The following USP45 variants were observed in gnomAD, a reference collection of about 807,000 sequenced individuals.
USP45 encodes the protein ubiquitin carboxyl-terminal hydrolase 45.
In USP45, 89 loss-of-function variants were observed where a neutral mutation model predicts 95.8. The observed-to-expected ratio is 0.93, with a 90% CI of 0.78 to 1.11. The LOEUF (loss-of-function observed/expected upper bound fraction) is 1.11. USP45 is among the 50% of genes least tolerant of loss of function. The pLI, the probability that USP45 is intolerant of heterozygous loss-of-function variation, is 0.00. For synonymous variants in USP45, 281 were observed against 316.2 expected, an observed-to-expected ratio of 0.89 and a Z score of 1.18; for missense variants, 898 against 942.5, an observed-to-expected ratio of 0.95 and a Z score of 0.62.
At chr6:99,499,629 A>C (rs1157630910) in intron 5 of USP45, among the ~76,000 whole-genome samples, 1 of 152,130 alleles carries the variant, frequency 6.6e-6, no homozygotes, top group East Asian at 1.9e-4. Flanking sequence ...AAACTTTGAA[A>C]GCTCCACTCC....
intron 5 of USP45, among the ~76,000 whole-genome samples, chr6:99,500,944 T>G (rs982626147): frequency 3.3e-5 from 5 of 152,224 alleles, no homozygotes; most frequent in Admixed American, 3.3e-4. Flanking sequence ...CAAAAACAGC[T>G]GTACACTGGG....
At chr6:99,456,564 C>T (rs748525244) in intron 13 of USP45, among the ~76,000 whole-genome samples, 2 of 152,182 alleles carry the variant, frequency 1.3e-5, no homozygotes, top group Non-Finnish European at 2.9e-5. Context: ...CCTGTCTTTA[C>T]TGCAATCTCT....
rs997920993 is a variant in USP45, at chr6:99,457,438, C to T, written c.1308+7166G>A. ...CTGTCCCTTTATTTCTCAAGCTGGC[C>T]GATGCTTAAGGAAAATAGAAAAGAA... On this transcript the variant is annotated intron_variant, in intron 13 of 17. Coordinates refer to ENST00000500704, the MANE Select transcript of USP45 (RefSeq NM_001346022.3). Among the ~76,000 whole-genome samples the T allele has an allele frequency of 6.6e-5, 10 of 151,474 alleles. No homozygotes were observed. In the East Asian group the frequency reaches 7.8e-4, roughly 12 times the overall value.
In USP45 at chr6:99,510,231, CT is replaced by C; in HGVS notation, c.-10-2del. ...ATCTTTCACCCGCATCTGTTATTTA[CT>C]GAAGGGATTGAGGGAAAAAAATTCA... On this transcript the variant is annotated splice_acceptor_variant, in intron 1 of 17. Coordinates refer to ENST00000500704, the MANE Select transcript of USP45 (RefSeq NM_001346022.3). LOFTEE classifies it low-confidence loss of function (5UTR_SPLICE). The C allele has an allele frequency of 6.2e-7, 1 of 1,608,686 alleles. No homozygotes were observed. Among genetic ancestry groups the C allele is most frequent in the Non-Finnish European group, 8.5e-7 (1 of 1,176,916 alleles).
intron 8 of USP45, among the ~76,000 whole-genome samples, chr6:99,477,170 C>T (rs1583236408): frequency 1.3e-5 from 2 of 152,170 alleles, no homozygotes; most frequent in South Asian, 4.1e-4. Context: ...ATATACAAAA[C>T]AGCACTGTTC....
chr6:99,443,618 G>A lies in USP45; in HGVS notation c.2020C>T (p.Leu674Phe). The change falls in exon 15 of 18, where the codon CTC (leucine) becomes TTC (phenylalanine). Residue 674 changes from leucine (L) to phenylalanine (F), a missense_variant. Transcript: ENST00000500704. ...GVYTNARKQL[L>F]ISAVPAVLIL... ...AGGACAGCTGGAACAGCAGAAATGA[G>A]CAATTGCTTCCTGGCATTAGTATAA... The A allele has an allele frequency of 6.2e-7, 1 of 1,608,722 alleles. No homozygotes were observed. The highest frequency in any genetic ancestry group is 8.5e-7 in the Non-Finnish European group (1 of 1,177,040).
At chr6:99,480,845 A>G (rs537188162) in intron 8 of USP45, among the ~76,000 whole-genome samples, 1 of 152,306 alleles carries the variant, frequency 6.6e-6, no homozygotes, top group East Asian at 1.9e-4. Context: ...ACCCAAACAC[A>G]TGTGGCTTAA....
intron 13 of USP45, chr6:99,461,213 A>G (rs1265029822): frequency 1.0e-6 from 1 of 985,414 alleles, no homozygotes; most frequent in South Asian, 4.7e-5. Context: ...AGGATTTTAT[A>G]TAAGGATATC....
upstream of USP45, among the ~76,000 whole-genome samples, chr6:99,516,920 A>G (rs1801151693): frequency 6.6e-6 from 1 of 152,172 alleles, no homozygotes; most frequent in East Asian, 1.9e-4. Flanking sequence ...GATTATGGAA[A>G]TTTAGGTTCT....
intron 5 of USP45, among the ~76,000 whole-genome samples, chr6:99,495,924 GAGAA>G (rs780900750): frequency 1.3e-4 from 20 of 152,106 alleles, no homozygotes; most frequent in Non-Finnish European, 2.6e-4. Context: ...TGGGAAAACT[GAGAA>G]AATAGTCACT....
chr6:99,508,708 ACAGATTCT>A lies in USP45; in HGVS notation c.167_174del (p.Glu56ValfsTer15). On this transcript the variant is annotated frameshift_variant, in exon 3 of 18. Transcript: ENST00000500704. LOFTEE classifies it high-confidence loss of function. Reference sequence around the variant, plus strand: ...TTTAAACATTCTGAGCAAACTGACCACAGATTCTCAGCTATTGCTCTCTTTACATGATT... The same window carrying A: ...TTTAAACATTCTGAGCAAACTGACCACAGCTATTGCTCTCTTTACATGATT... The A allele has an allele frequency of 6.2e-7, 1 of 1,613,532 alleles. No homozygotes were observed. The highest frequency in any genetic ancestry group is 8.5e-7 in the Non-Finnish European group (1 of 1,179,870).
In USP45 at chr6:99,468,521, C is replaced by G. The variant is rs1562358729; in HGVS notation, c.1015+16G>C. 2 of 1,529,578 alleles carry G rather than the reference C, an allele frequency of 1.3e-6. No individual in the cohort carries two copies. The highest frequency in any genetic ancestry group is 2.8e-5 in the African/African-American group (2 of 72,186). 94.8% of individuals were successfully genotyped at this position (1,529,578 alleles called of 1,614,324 possible). On this transcript the variant is annotated intron_variant, in intron 10 of 17. Transcript: ENST00000500704. Reference sequence around the variant, plus strand: ...ATTTTCTTAAAGAAAAAAGTTTTAACAAAGAGTCAACATACCTTTGACTTT... The same window carrying G: ...ATTTTCTTAAAGAAAAAAGTTTTAAGAAAGAGTCAACATACCTTTGACTTT...
At chr6:99,483,577 G>A (rs996799678) in intron 7 of USP45, among the ~76,000 whole-genome samples, 6 of 152,068 alleles carry the variant, frequency 3.9e-5, no homozygotes, top group East Asian at 1.9e-4. Flanking sequence ...GGTGGCTCAC[G>A]CCTGTAATCC....
intron 1 of USP45, among the ~76,000 whole-genome samples, chr6:99,511,845 G>GTATATATATATATATA (rs751350306): frequency 1.3e-4 from 3 of 22,802 alleles, no homozygotes; most frequent in Non-Finnish European, 1.9e-4. Flanking sequence ...GTGAGTGTGT[G>GTATATATATATATATA]TATATATATA....
At chr6:99,453,136 C>T (rs1329757796) in intron 13 of USP45, among the ~76,000 whole-genome samples, 1 of 148,188 alleles carries the variant, frequency 6.7e-6, no homozygotes, top group Admixed American at 6.8e-5. Context: ...TGTAACAAAC[C>T]TGCACGTTGT....
Position 99,469,573 on chromosome 6 carries a change from G to A in USP45, c.934-955C>T, listed in dbSNP as rs527831548. On this transcript the variant is annotated intron_variant, in intron 9 of 17. Coordinates refer to ENST00000500704, the MANE Select transcript of USP45 (RefSeq NM_001346022.3). ...TGCCCACTGCAGCTTTGACTTCTCT[G>A]GGTTCAAGTGATCCTACTGCCTCAG... Among the ~76,000 whole-genome samples, 5 of 149,336 alleles carry A rather than the reference G, an allele frequency of 3.3e-5. No homozygotes were observed. In the South Asian group the frequency reaches 8.5e-4, roughly 25 times the overall value.
chr6:99,437,204 T>C (rs551779564), intron 17 of USP45, 42 bp downstream of exon 17: 20 of 1,564,158 alleles, frequency 1.3e-5, no homozygotes, highest in South Asian at 6.0e-5. Flanking sequence ...GAAGCACATA[T>C]TCGTTTGTTT....
At chr6:99,493,924 C>A (rs1795753264) in intron 5 of USP45, among the ~76,000 whole-genome samples, 1 of 152,178 alleles carries the variant, frequency 6.6e-6, no homozygotes, top group South Asian at 2.1e-4. Context: ...ATTAAAAATT[C>A]TCTTCTTCCT....
chr6:99,503,814 CA>C lies in USP45; in HGVS notation c.428del (p.Leu143TrpfsTer4). ...KLSTHCNKKVLAQIVDFLQKH... is the reference protein window; with the variant it reads ...KLSTHCNKKVXAQIVDFLQKH... ...TCTGGAGAAAATCAACTATCTGAGC[CA>C]AAACCTTCTTATTACAATGCGTTGA... On this transcript the variant is annotated frameshift_variant, in exon 5 of 18. Coordinates refer to ENST00000500704, the MANE Select transcript of USP45 (RefSeq NM_001346022.3). LOFTEE classifies it high-confidence loss of function. 6.2e-7 allele frequency: 1 copy of C among 1,601,948 alleles called. No homozygotes were observed. Among genetic ancestry groups the C allele is most frequent in the South Asian group, 1.1e-5 (1 of 87,626 alleles).
Sources: allele counts gnomAD v4.1 joint callset (sites outside exome capture counted in the v4.1 genomes callset), GRCh38; gene constraint gnomAD v4.1.1; transcripts MANE v1.5; gene names NCBI Gene and HGNC (gene_info 2026-07-23, HGNC 2026-07-21).